Variants in LRRIQ1 observed in about 807,000 individuals in gnomAD.
The protein encoded by LRRIQ1 is leucine rich repeats and IQ motif containing 1.
LRRIQ1 carries 210 observed loss-of-function variants against 211.9 expected under a neutral mutation model. The observed-to-expected ratio is 0.99, with a 90% confidence interval of 0.89 to 1.11. The LOEUF (loss-of-function observed/expected upper bound fraction) is 1.11. Among genes scored for constraint, LRRIQ1 ranks in the 50% most tolerant of loss-of-function variants. The pLI, the probability that LRRIQ1 is intolerant of heterozygous loss-of-function variation, is 0.00. For synonymous variants in LRRIQ1, 699 were observed against 650.1 expected, an observed-to-expected ratio of 1.08 and a Z score of -1.14; for missense variants, 2,136 against 1,939.5, an observed-to-expected ratio of 1.10 and a Z score of -1.90.
chr12:85,145,963 C>G (rs1889867030), intron 19 of LRRIQ1, among the ~76,000 whole-genome samples: 2 of 151,750 alleles, frequency 1.3e-5, no homozygotes, highest in Non-Finnish European at 3.0e-5. Flanking sequence ...AATAAGTATA[C>G]TATTCCAGTG....
At chr12:85,241,701 A>C (rs755689098) in intron 26 of LRRIQ1, among the ~76,000 whole-genome samples, 9 of 152,026 alleles carry the variant, frequency 5.9e-5, no homozygotes, top group Non-Finnish European at 1.2e-4. Context: ...CTTCATCTTT[A>C]TAAAACTCGC....
chr12:85,185,891 C>T (rs1041570024), intron 24 of LRRIQ1, among the ~76,000 whole-genome samples: 3 of 151,614 alleles, frequency 2.0e-5, no homozygotes, highest in African/African-American at 7.3e-5. Context: ...ATTTTAATTG[C>T]TTATATATAT....
intron 19 of LRRIQ1, among the ~76,000 whole-genome samples, chr12:85,142,613 G>A (rs544400948): frequency 2.0e-5 from 3 of 151,248 alleles, no homozygotes; most frequent in African/African-American, 4.8e-5. Flanking sequence ...TCCTGCAACC[G>A]CCACCACCAC....
chr12:85,217,512 G>A (rs71438904), intron 24 of LRRIQ1, among the ~76,000 whole-genome samples: 1,219 of 48,892 alleles, frequency 0.025, 34 homozygotes, highest in African/African-American at 0.15. Flanking sequence ...ATATATATGT[G>A]TGTGTGTGTG....
At chr12:85,084,136 A>G (rs1324431529) in intron 11 of LRRIQ1, among the ~76,000 whole-genome samples, 1 of 152,210 alleles carries the variant, frequency 6.6e-6, no homozygotes, top group Non-Finnish European at 1.5e-5. Flanking sequence ...ATTGGTTTAT[A>G]TCTGCTTACA....
At chr12:85,265,082 CA>C (rs1213367709), downstream of LRRIQ1, among the ~76,000 whole-genome samples, 2 of 152,014 alleles carry the variant, frequency 1.3e-5, no homozygotes, top group African/African-American at 2.4e-5. Context: ...AATCCACCAA[CA>C]ATATATTTGT....
chr12:85,043,897 C>T (rs1032812062), intron 3 of LRRIQ1, among the ~76,000 whole-genome samples: 1 of 152,024 alleles, frequency 6.6e-6, no homozygotes, highest in African/African-American at 2.4e-5. Flanking sequence ...ATTAAAACAT[C>T]ATCACCTGCC....
At chr12:85,086,333 A>T (rs989006583) in intron 11 of LRRIQ1, among the ~76,000 whole-genome samples, 3 of 151,692 alleles carry the variant, frequency 2.0e-5, no homozygotes, top group Non-Finnish European at 2.9e-5. Flanking sequence ...GTCATGGGGG[A>T]GGCTCCCTCA....
At chr12:85,213,190 CTGG>C (rs1353247179) in intron 24 of LRRIQ1, among the ~76,000 whole-genome samples, 1 of 151,516 alleles carries the variant, frequency 6.6e-6, no homozygotes, top group Non-Finnish European at 1.5e-5. Context: ...CAAAAAAAAG[CTGG>C]TGTTCTTATA....
intron 3 of LRRIQ1, among the ~76,000 whole-genome samples, chr12:85,044,175 C>T (rs1879249048): frequency 6.6e-6 from 1 of 151,834 alleles, no homozygotes; most frequent in African/African-American, 2.4e-5. Flanking sequence ...GAAACATTAC[C>T]ATGTTATAAC....
intron 25 of LRRIQ1, 93 bp downstream of exon 25, chr12:85,229,742 T>C: frequency 3.0e-6 from 4 of 1,333,730 alleles, no homozygotes; most frequent in Non-Finnish European, 4.2e-6. Context: ...AACATGACTT[T>C]ATTGCCAAAG....
Position 85,161,019 on chromosome 12 carries a change from T to TGACA in LRRIQ1, c.4822+308_4822+311dup, listed in dbSNP as rs547756809. 3.2e-4 allele frequency among the ~76,000 whole-genome samples: 48 copies of TGACA among 152,234 alleles called. 1 individual carries two copies. The East Asian group carries it at 8.3e-3, about 26-fold the overall frequency. ...CATTAATGTTATTTAAATTTTACAGTGACAGATATATTAACTTGTATCAGT... is the reference window on the plus strand; with the variant it reads ...CATTAATGTTATTTAAATTTTACAGTGACAGACAGATATATTAACTTGTATCAGT... On this transcript the variant is annotated intron_variant, in intron 24 of 26. Transcript: ENST00000393217.
At chr12:85,084,463 T>A (rs542782387) in intron 11 of LRRIQ1, among the ~76,000 whole-genome samples, 1 of 152,238 alleles carries the variant, frequency 6.6e-6, no homozygotes, top group African/African-American at 2.4e-5. Flanking sequence ...ATTAAGTAAC[T>A]TTTAATTGAT....
At chr12:85,228,167 C>A (rs192526213) in intron 24 of LRRIQ1, among the ~76,000 whole-genome samples, 28 of 152,268 alleles carry the variant, frequency 1.8e-4, no homozygotes, top group Non-Finnish European at 3.7e-4. Flanking sequence ...CCAAAATTGA[C>A]CAATGGGATC....
chr12:85,197,942 TTTATATATAA>T (rs1473226333), intron 24 of LRRIQ1, among the ~76,000 whole-genome samples: 2 of 106,766 alleles, frequency 1.9e-5, no homozygotes, highest in African/African-American at 7.1e-5. Context: ...ATTATATATA[TTTATATATAA>T]TTATATATTA....
At chr12:85,154,758 A>G (rs1890448731) in intron 23 of LRRIQ1, among the ~76,000 whole-genome samples, 1 of 151,200 alleles carries the variant, frequency 6.6e-6, no homozygotes, top group African/African-American at 2.4e-5. Flanking sequence ...GTAACTTTAT[A>G]TATAACTGTA....
rs147470302 is a variant in LRRIQ1, at chr12:85,046,951, A to G, written c.455-296A>G. Among the ~76,000 whole-genome samples the G allele has an allele frequency of 1.0e-3, 148 of 146,602 alleles. 1 individual carries two copies. The East Asian group carries it at 0.03, about 30-fold the overall frequency. On this transcript the variant is annotated intron_variant, in intron 5 of 26. Transcript: ENST00000393217. ...CTCACTCATCGGTGGGAATTAAACA[A>G]TGAGAACACTTGGACACAGGAAGGG...
chr12:85,064,951 C>T (rs369703736), intron 8 of LRRIQ1, among the ~76,000 whole-genome samples: 9 of 151,774 alleles, frequency 5.9e-5, no homozygotes, highest in East Asian at 3.9e-4. Context: ...AATTTGAAGT[C>T]CATACCACTT....
At chr12:85,127,764 C>T in intron 17 of LRRIQ1, 68 bp from the exon 18 acceptor site, 1 of 1,365,246 alleles carries the variant, frequency 7.3e-7, no homozygotes. Context: ...TTAGGAGGAC[C>T]TTTTATCTAC....
Sources: allele counts gnomAD v4.1 joint callset (sites outside exome capture counted in the v4.1 genomes callset), GRCh38; gene constraint gnomAD v4.1.1; transcripts MANE v1.5; gene names NCBI Gene and HGNC (gene_info 2026-07-23, HGNC 2026-07-21).